TIMP1: variants seen among roughly 807,000 people sequenced by gnomAD.
TIMP1 encodes TIMP metallopeptidase inhibitor 1.
Under a neutral mutation model 13.7 loss-of-function variants are expected in TIMP1, and 5 were observed. That is an observed-to-expected ratio of 0.36 (90% CI 0.19 to 0.76). TIMP1 has a LOEUF of 0.76. Among genes scored for constraint, TIMP1 ranks in the 30% least tolerant of loss-of-function variants. TIMP1 has a pLI of 0.51. For synonymous variants in TIMP1, 63 were observed against 67.1 expected (o/e 0.94, Z 0.30); for missense variants, 131 against 168.4 (o/e 0.78, Z 1.23).
intron 1 of TIMP1, 57 bp from the exon 2 acceptor site, chrX:47,583,351 G>T: frequency 8.8e-7 from 1 of 1,137,967 alleles, no homozygotes; most frequent in Admixed American, 2.4e-5. Context: ...TGGATGACCT[G>T]CCCAGGTCAG....
intron 2 of TIMP1, among the ~76,000 whole-genome samples, 154 bp from the exon 3 acceptor site, chrX:47,584,782 T>C (rs1312388380): frequency 8.9e-6 from 1 of 112,066 alleles, no homozygotes; most frequent in Non-Finnish European, 1.9e-5. Context: ...GATGAATCAA[T>C]GAACAAATGT....
chrX:47,586,285 C>A, intron 5 of TIMP1: 1 of 754,497 alleles, frequency 1.3e-6, no homozygotes, highest in Non-Finnish European at 1.6e-6. Context: ...GCCTGACTGA[C>A]CCCCAGGGCC....
intron 4 of TIMP1, 41 bp downstream of exon 4, chrX:47,585,372 C>A: frequency 4.1e-6 from 5 of 1,208,098 alleles, no homozygotes; most frequent in Non-Finnish European, 5.6e-6. Flanking sequence ...ACCAACCAGT[C>A]CCTGGGGCGC....
In TIMP1 at chrX:47,585,278, T is replaced by A. The variant is rs1324579667; in HGVS notation, c.275T>A (p.Val92Asp). 1 of 1,209,552 alleles carries A rather than the reference T, an allele frequency of 8.3e-7. No individual in the cohort carries two copies. Among genetic ancestry groups the A allele is most frequent in the Non-Finnish European group, 1.1e-6 (1 of 894,881 alleles). Residue 92 changes from valine to aspartate, a missense_variant, in exon 4 of 6, where the codon GTC becomes GAC. Physicochemically the swap from Val to Asp is radical, Grantham distance 152 (BLOSUM62 -3). Transcript: ENST00000218388. The stretch of plus-strand genomic sequence containing the variant: ...GTCTACACCCCCGCCATGGAGAGTG[T>A]CTGCGGATACTTCCACAGGTCCCAC... Reference protein sequence around the residue: ...RFVYTPAMESVCGYFHRSHNR... With the variant: ...RFVYTPAMESDCGYFHRSHNR...
At position 47,582,447 on chromosome X, in the gene TIMP1, A is replaced by T. The variant is rs1340055913; in HGVS notation, c.-36A>T. ...GCTCAGGCCCTGCCGCCATCGCCGC[A>T]GATCCAGCGCCCAGAGAGACACCAG... On this transcript the variant is annotated 5_prime_UTR_variant, in exon 1 of 6. Coordinates refer to ENST00000218388, the MANE Select transcript of TIMP1 (RefSeq NM_003254.3). 1 of 253,323 alleles carries T rather than the reference A, an allele frequency of 3.9e-6. No individual in the cohort carries two copies. Among genetic ancestry groups the T allele is most frequent in the Non-Finnish European group, 7.9e-6 (1 of 125,878 alleles). 20.9% of individuals were successfully genotyped at this position (253,323 alleles called of 1,213,427 possible). A position where few individuals can be genotyped will look rare whatever the true frequency, so the allele number is the denominator to read the frequency against.
rs1260941670 is a variant in TIMP1, at chrX:47,583,481, G to A, written c.66G>A (p.Arg22=). The change falls in exon 2 of 6, where the codon AGG becomes AGA. Residue 22 remains arginine, a synonymous_variant. Transcript: ENST00000218388. ...TGCTGTGGCTGATAGCCCCCAGCAG[G>A]GCCTGCACCTGTGTCCCACCCCACC... ...LLLLWLIAPS[R]ACTCVPPHPQ... The A allele has an allele frequency of 9.1e-6, 11 of 1,206,044 alleles. No individual in the cohort carries two copies. Among genetic ancestry groups the A allele is most frequent in the African/African-American group, 1.8e-5 (1 of 56,894 alleles).
chrX:47,583,625 G>T (rs760136486), intron 2 of TIMP1, 89 bp downstream of exon 2: 19 of 1,003,435 alleles, frequency 1.9e-5, no homozygotes, highest in Non-Finnish European at 2.3e-5. Flanking sequence ...CCTCTAGAAT[G>T]ATTCCACTCG....
Position 47,583,423 on chromosome X carries a change from C to A in TIMP1, c.8C>A (p.Pro3His). 8.3e-7 allele frequency: 1 copy of A among 1,204,492 alleles called. No individual in the cohort carries two copies. The highest frequency in any genetic ancestry group is 3.0e-5 in the East Asian group (1 of 33,556). MA[P>H]FEPLASGILL... is the part of the protein sequence containing the mutation. ...TTCCCCACAGAACCCACCATGGCCC[C>A]CTTTGAGCCCCTGGCTTCTGGCATC... Residue 3 changes from proline to histidine, a missense_variant, in exon 2 of 6, where the codon CCC (proline) becomes CAC (histidine). By Grantham distance (77) the Pro-to-His change is moderately conservative. Transcript: ENST00000218388.
Position 47,583,333 on chromosome X carries a change from A to C in TIMP1, c.-8-75A>C. 1.1e-5 allele frequency: 11 copies of C among 1,032,867 alleles called. No homozygotes were observed. In the South Asian group the frequency reaches 2.6e-4, roughly 24 times the overall value. The allele number at this position is 1,032,867 out of a possible 1,213,427, so 85.1% of individuals were successfully genotyped here. On this transcript the variant is annotated intron_variant, in intron 1 of 5. Coordinates refer to ENST00000218388, the MANE Select transcript of TIMP1 (RefSeq NM_003254.3). ...CCCCCCCATAGGCTGCCCCGGGGCA[A>C]GATGGGGTGGATGACCTGCCCAGGT...
At chrX:47,583,339 G>C (rs2057807810) in intron 1 of TIMP1, 69 bp from the exon 2 acceptor site, 1 of 1,077,971 alleles carries the variant, frequency 9.3e-7, no homozygotes, top group African/African-American at 1.9e-5. Flanking sequence ...GGCAAGATGG[G>C]GTGGATGACC....
intron 4 of TIMP1, 58 bp from the exon 5 acceptor site, chrX:47,585,485 T>G (rs2057820263): frequency 2.5e-6 from 3 of 1,194,231 alleles, no homozygotes; most frequent in Non-Finnish European, 2.3e-6. Flanking sequence ...CTTTGGCAGC[T>G]TGGCAGCTCA....
chrX:47,585,842 C>T (rs1412882295), intron 5 of TIMP1, 175 bp downstream of exon 5: 4 of 1,145,667 alleles, frequency 3.5e-6, no homozygotes, highest in Non-Finnish European at 4.6e-6. Flanking sequence ...TGCTCCCTTA[C>T]AAATTCTGGC....
chrX:47,585,694 C>A, intron 5 of TIMP1, 27 bp downstream of exon 5: 2 of 1,207,586 alleles, frequency 1.7e-6, no homozygotes, highest in Non-Finnish European at 2.2e-6. Context: ...TGACCTCCAA[C>A]GGGAGATCCT....
Position 47,586,568 on chromosome X carries a change from T to A in TIMP1, c.501T>A (p.His167Gln), listed in dbSNP as rs764066211. The change falls in exon 6 of 6, where the codon CAT becomes CAA. Residue 167 changes from histidine to glutamine, a missense_variant. His to Gln is a conservative substitution (Grantham distance 24). Transcript: ENST00000218388. ...SIPCKLQSGT[H>Q]CLWTDQLLQG... ...CCTGCAAACTGCAGAGTGGCACTCA[T>A]TGCTTGTGGACGGACCAGCTCCTCC... 9 of 1,210,618 alleles carry A rather than the reference T, an allele frequency of 7.4e-6. No homozygotes were observed. The East Asian group carries it at 2.4e-4, about 32-fold the overall frequency.
In TIMP1 at chrX:47,586,726, T is replaced by C. The variant is rs200541566; in HGVS notation, c.*35T>C. 1,689 of 1,182,243 alleles carry C rather than the reference T, an allele frequency of 1.4e-3. 8 individuals carry two copies. The highest frequency in any genetic ancestry group is 3.0e-3 in the Middle Eastern group (11 of 3,659). ...GGAGTGGAAGCTGAAGCCTGCACAG[T>C]GTCCACCCTGTTCCCACTCCCATCT... On this transcript the variant is annotated 3_prime_UTR_variant, in exon 6 of 6. Coordinates refer to ENST00000218388, the MANE Select transcript of TIMP1 (RefSeq NM_003254.3).
chrX:47,583,288 C>A, intron 1 of TIMP1, 120 bp from the exon 2 acceptor site: 1 of 510,620 alleles, frequency 2.0e-6, no homozygotes. Flanking sequence ...ACCCCTCAAG[C>A]CCAAATCCAG....
chrX:47,582,793 C>T (rs1472137722), intron 1 of TIMP1, among the ~76,000 whole-genome samples: 1 of 96,216 alleles, frequency 1.0e-5, no homozygotes, highest in Non-Finnish European at 2.1e-5. Flanking sequence ...CCCCTAAATA[C>T]CCACCGCTAA....
chrX:47,583,068 A>C, intron 1 of TIMP1, among the ~76,000 whole-genome samples: 1 of 81,666 alleles, frequency 1.2e-5, no homozygotes, highest in African/African-American at 4.8e-5. Flanking sequence ...CCAGCCCCCA[A>C]TCCCAAATTC....
intron 2 of TIMP1, among the ~76,000 whole-genome samples, chrX:47,584,403 C>G (rs1476556525): frequency 2.7e-5 from 3 of 111,136 alleles, no homozygotes; most frequent in Non-Finnish European, 3.8e-5. Context: ...TAGCAAGGCT[C>G]TCGGCTAAAA....
Sources: gnomAD v4.1 joint callset for allele counts (sites outside exome capture counted in the v4.1 genomes callset) on GRCh38, gnomAD v4.1.1 for gene constraint, MANE v1.5 for transcripts, NCBI Gene and HGNC (gene_info 2026-07-23, HGNC 2026-07-21) for gene names.